SLC16A2: variants seen among roughly 807,000 people sequenced by gnomAD.
SLC16A2 encodes solute carrier family 16 member 2.
SLC16A2 carries 3 observed loss-of-function variants against 27.2 expected under a neutral mutation model. The observed-to-expected ratio is 0.11, with a 90% CI of 0.05 to 0.28. SLC16A2 has a LOEUF of 0.28. Ranked by LOEUF, SLC16A2 falls within the 10% of genes least tolerant of loss-of-function variation. The probability of loss-of-function intolerance (pLI) is 1.00; values close to 1 mark genes in which losing one functional copy is unlikely to be tolerated. For synonymous variants in SLC16A2, 202 were observed against 187.8 expected, an observed-to-expected ratio of 1.08 and a Z score of -0.62; for missense variants, 295 against 458.5, an observed-to-expected ratio of 0.64 and a Z score of 3.26.
At chrX:74,503,336 A>G (rs1051894077) in intron 1 of SLC16A2, among the ~76,000 whole-genome samples, 7 of 111,482 alleles carry the variant, frequency 6.3e-5, no homozygotes, top group African/African-American at 2.3e-4. Flanking sequence ...TTGTGGGCAC[A>G]TACATAGGTA....
intron 1 of SLC16A2, among the ~76,000 whole-genome samples, chrX:74,434,794 A>G (rs1928592212): frequency 9.3e-6 from 1 of 107,355 alleles, no homozygotes; most frequent in Non-Finnish European, 1.9e-5. Context: ...GTGTGTGGGC[A>G]TTGTAGTTTA....
intron 4 of SLC16A2, 123 bp downstream of exon 4, chrX:74,526,016 G>A (rs1930482572): frequency 2.5e-6 from 2 of 812,231 alleles, no homozygotes; most frequent in Non-Finnish European, 3.6e-6. Flanking sequence ...CAAATTCTCT[G>A]AGCCTCCATT....
intron 1 of SLC16A2, among the ~76,000 whole-genome samples, chrX:74,448,606 A>T (rs1399182498): frequency 2.7e-5 from 3 of 111,002 alleles, no homozygotes; most frequent in African/African-American, 3.3e-5. Flanking sequence ...AGGCAGGTAT[A>T]CATTCTTAGA....
At chrX:74,529,032 C>T (rs918459143) in intron 4 of SLC16A2, among the ~76,000 whole-genome samples, 181 bp from the exon 5 acceptor site, 2 of 111,876 alleles carry the variant, frequency 1.8e-5, no homozygotes, top group Admixed American at 1.9e-4. Flanking sequence ...ACTTTGAATC[C>T]CTCAGTGCAA....
chrX:74,493,593 C>A (rs764546272), intron 1 of SLC16A2, among the ~76,000 whole-genome samples: 9 of 112,399 alleles, frequency 8.0e-5, no homozygotes, highest in Non-Finnish European at 1.1e-4. Context: ...TGGGATGGCC[C>A]GAGCTCAGGG....
At chrX:74,433,479 CCAA>C (rs1375787199) in intron 1 of SLC16A2, among the ~76,000 whole-genome samples, 14 of 111,008 alleles carry the variant, frequency 1.3e-4, no homozygotes, top group Non-Finnish European at 2.1e-4. Context: ...AGCATAGTAC[CCAA>C]CAAGTGGTCC....
Sources: gnomAD v4.1 joint callset for allele counts (sites outside exome capture counted in the v4.1 genomes callset) on GRCh38, gnomAD v4.1.1 for gene constraint, MANE v1.5 for transcripts, NCBI Gene and HGNC (gene_info 2026-07-23, HGNC 2026-07-21) for gene names.